Variants in SH3D19 observed in about 807,000 individuals in gnomAD.
The protein encoded by SH3D19 is SH3 domain containing 19, also known as SH3 domain-containing protein 19.
Under a neutral mutation model 112.1 loss-of-function variants are expected in SH3D19, and 58 were observed. The observed-to-expected ratio is 0.52, with a 90% CI of 0.42 to 0.64. The LOEUF is 0.64. Among genes scored for constraint, SH3D19 ranks in the 30% least tolerant of loss-of-function variants. The pLI is 0.00. For missense variants in SH3D19, 1,090 were observed against 1,263.4 expected, an observed-to-expected ratio of 0.86 and a Z score of 2.08; for synonymous variants, 391 against 448.5, an observed-to-expected ratio of 0.87 and a Z score of 1.62.
chr4:151,293,209 G>A (rs182626101), intron 1 of SH3D19, among the ~76,000 whole-genome samples: 55 of 151,590 alleles, frequency 3.6e-4, no homozygotes, highest in African/African-American at 1.2e-3. Context: ...GGTGGCTCAC[G>A]CCTGTAATCC....
Position 151,270,682 on chromosome 4 carries a change from G to A in SH3D19, c.113-44596C>T, listed in dbSNP as rs574198821. On this transcript the variant is annotated intron_variant, in intron 1 of 19. Coordinates refer to ENST00000604030, the MANE Select transcript of SH3D19 (RefSeq NM_001378122.1). ...TAATGCATTGCCCTACAGCTCTAAT[G>A]TCACTAGGCAATAGGAATTTGTCAG... 2.6e-5 allele frequency among the ~76,000 whole-genome samples: 4 copies of A among 152,214 alleles called. No homozygotes were observed. The South Asian group carries it at 8.3e-4, about 32-fold the overall frequency.
chr4:151,220,513 A>G (rs1006911464), intron 2 of SH3D19, among the ~76,000 whole-genome samples: 1 of 152,204 alleles, frequency 6.6e-6, no homozygotes, highest in Non-Finnish European at 1.5e-5. Context: ...ATCAAGATCT[A>G]TTATTTAGAG....
intron 1 of SH3D19, among the ~76,000 whole-genome samples, chr4:151,237,565 G>A (rs1770223096): frequency 6.6e-6 from 1 of 152,144 alleles, no homozygotes; most frequent in Non-Finnish European, 1.5e-5. Context: ...TTACCTGAAG[G>A]ACCACAACAA....
At chr4:151,206,479 A>G (rs939157089) in intron 2 of SH3D19, among the ~76,000 whole-genome samples, 1 of 152,176 alleles carries the variant, frequency 6.6e-6, no homozygotes, top group Admixed American at 6.5e-5. Context: ...TTGTTTCTCC[A>G]TAAATACTGT....
intron 2 of SH3D19, among the ~76,000 whole-genome samples, chr4:151,197,449 A>G (rs552448125): frequency 2.0e-5 from 3 of 152,360 alleles, no homozygotes; most frequent in Non-Finnish European, 4.4e-5. Flanking sequence ...AAATCAGCAC[A>G]AAAATTCAAA....
chr4:151,220,800 A>G (rs1767900796), intron 2 of SH3D19, among the ~76,000 whole-genome samples: 1 of 152,240 alleles, frequency 6.6e-6, no homozygotes, highest in Non-Finnish European at 1.5e-5. Context: ...ATCACAGTAA[A>G]GAAATATGGC....
intron 2 of SH3D19, among the ~76,000 whole-genome samples, chr4:151,195,123 T>C (rs1195847423): frequency 2.0e-5 from 3 of 147,250 alleles, no homozygotes; most frequent in Non-Finnish European, 4.5e-5. Context: ...ATATTCCCAG[T>C]GCTTTGGGAG....
chr4:151,142,694 T>C (rs1348831930), intron 12 of SH3D19, among the ~76,000 whole-genome samples: 1 of 152,166 alleles, frequency 6.6e-6, no homozygotes, highest in Non-Finnish European at 1.5e-5. Context: ...GTTCATTCAA[T>C]ATTTTCTGTT....
chr4:151,269,292 GT>G (rs1225696623), intron 1 of SH3D19, among the ~76,000 whole-genome samples: 3 of 151,676 alleles, frequency 2.0e-5, no homozygotes, highest in Non-Finnish European at 2.9e-5. Context: ...GGGGTTGTTT[GT>G]TTTTTTTCTT....
intron 18 of SH3D19, 36 bp downstream of exon 18, chr4:151,128,134 G>A (rs764814306): frequency 1.3e-5 from 20 of 1,535,860 alleles, no homozygotes; most frequent in African/African-American, 8.3e-5. Context: ...CAGGCTCCCC[G>A]TGAGGAGTCG....
intron 9 of SH3D19, among the ~76,000 whole-genome samples, chr4:151,157,017 G>A (rs1054132367): frequency 3.9e-5 from 6 of 152,086 alleles, no homozygotes; most frequent in East Asian, 3.9e-4. Context: ...TTTGGGAGGC[G>A]GAGGCCAGAC....
chr4:151,214,944 C>A (rs558126310), intron 2 of SH3D19, among the ~76,000 whole-genome samples: 1 of 142,718 alleles, frequency 7.0e-6, no homozygotes, highest in Admixed American at 7.0e-5. Context: ...GGGTCTCCTC[C>A]CTTCTCAGAT....
chr4:151,258,975 G>A (rs1772160945), intron 1 of SH3D19, among the ~76,000 whole-genome samples: 1 of 152,048 alleles, frequency 6.6e-6, no homozygotes, highest in African/African-American at 2.4e-5. Context: ...AGGGACAGGG[G>A]CTTCAGACTA....
chr4:151,240,119 A>G (rs200248802), intron 1 of SH3D19, among the ~76,000 whole-genome samples: 2 of 139,158 alleles, frequency 1.4e-5, no homozygotes, highest in East Asian at 4.3e-4. Context: ...AATTTTTTTT[A>G]ATTAGCTGGG....
At chr4:151,128,463 T>C in intron 17 of SH3D19, 107 bp from the exon 18 acceptor site, 1 of 821,308 alleles carries the variant, frequency 1.2e-6, no homozygotes, top group Non-Finnish European at 1.8e-6. Context: ...GGTCTTAAGA[T>C]TTCAAAGCCT....
At chr4:151,189,289 A>G (rs1762264479) in intron 2 of SH3D19, among the ~76,000 whole-genome samples, 1 of 151,418 alleles carries the variant, frequency 6.6e-6, no homozygotes, top group Non-Finnish European at 1.5e-5. Context: ...GATTTTTTGT[A>G]TTTTTAGTAG....
At chr4:151,262,484 G>C (rs1159263007) in intron 1 of SH3D19, 1 of 152,370 alleles carries the variant, frequency 6.6e-6, no homozygotes, top group African/African-American at 2.4e-5. Context: ...TCAGTGTACT[G>C]TAAGAATCCA....
chr4:151,140,086 T>G (rs1308519700), intron 12 of SH3D19: 1 of 443,518 alleles, frequency 2.3e-6, no homozygotes, highest in Non-Finnish European at 4.0e-6. Context: ...GTATGTTTTC[T>G]TTTTGCTTTT....
chr4:151,176,801 T>G lies in SH3D19; in HGVS notation c.375+16A>C. On this transcript the variant is annotated intron_variant, in intron 5 of 19. Transcript: ENST00000604030. ...TAAAAAATAAAATGCAAAGAGATAA[T>G]GTAATGTTTATTCACCTCAGCAGGA... 2 of 1,231,932 alleles carry G rather than the reference T, an allele frequency of 1.6e-6. No individual in the cohort carries two copies. The highest frequency in any genetic ancestry group is 2.0e-6 in the Non-Finnish European group (2 of 987,748). 76.3% of individuals were successfully genotyped at this position (1,231,932 alleles called of 1,614,324 possible). A position where few individuals can be genotyped will look rare whatever the true frequency, so the allele number is the denominator to read the frequency against.
Sources: allele counts gnomAD v4.1 joint callset (sites outside exome capture counted in the v4.1 genomes callset), GRCh38; gene constraint gnomAD v4.1.1; transcripts MANE v1.5; gene names NCBI Gene and HGNC (gene_info 2026-07-23, HGNC 2026-07-21).